The following SPAG9 variants were observed in gnomAD, a reference collection of about 807,000 sequenced individuals.
The protein encoded by SPAG9 is sperm associated antigen 9.
In SPAG9, 35 loss-of-function variants were observed where a neutral mutation model predicts 166.5. The ratio of observed to expected loss-of-function variants is 0.21; its 90% CI spans 0.16 to 0.28. SPAG9 has a LOEUF of 0.28. Ranked by LOEUF, SPAG9 falls within the 10% of genes least tolerant of loss-of-function variation. The probability of loss-of-function intolerance (pLI) is 1.00; values close to 1 mark genes in which losing one functional copy is unlikely to be tolerated. For synonymous variants in SPAG9, 534 were observed against 565.5 expected (o/e 0.94, Z 0.79); for missense variants, 1,235 against 1,603.3 (o/e 0.77, Z 3.92).
Position 50,966,278 on chromosome 17 carries a change from A to G in SPAG9, c.3960T>C (p.Asn1320=), listed in dbSNP as rs1440278411. Residue 1320 remains asparagine (N), a synonymous_variant, in exon 30 of 30, where the codon AAT becomes AAC. Transcript: ENST00000262013. The stretch of plus-strand genomic sequence containing the variant: ...CCACCTGTTTCCCATGGGCTCACTC[A>G]TTGCCATACATCACTTGCCACACTA... ...HLIVWQVMYG[N]E 3 of 1,604,542 alleles carry G rather than the reference A, an allele frequency of 1.9e-6. No individual in the cohort carries two copies. Among genetic ancestry groups the G allele is most frequent in the Non-Finnish European group, 1.7e-6 (2 of 1,171,392 alleles).
At chr17:50,998,727 G>A in intron 14 of SPAG9, 110 bp from the exon 15 acceptor site, 1 of 1,081,068 alleles carries the variant, frequency 9.3e-7, no homozygotes. Flanking sequence ...ACAAGGCAAT[G>A]AGTTAGAAAT....
Position 50,965,821 on chromosome 17 carries a change from T to G in SPAG9, c.*451A>C, listed in dbSNP as rs1369889633. The G allele has an allele frequency of 6.4e-6, 1 of 157,454 alleles. No individual in the cohort carries two copies. Among genetic ancestry groups the G allele is most frequent in the African/African-American group, 2.4e-5 (1 of 41,544 alleles). 9.8% of individuals were successfully genotyped at this position (157,454 alleles called of 1,614,324 possible). ...TTAGATACATCCTGATAATCCATCT[T>G]GTATTAGTGTGTGTCAATTTTACAA... On this transcript the variant is annotated 3_prime_UTR_variant, in exon 30 of 30. Transcript: ENST00000262013.
At chr17:51,093,957 T>C (rs930972898) in intron 1 of SPAG9, among the ~76,000 whole-genome samples, 5 of 152,118 alleles carry the variant, frequency 3.3e-5, no homozygotes, top group Admixed American at 3.3e-4. Flanking sequence ...AGGAACACTC[T>C]AGGCACAGCC....
In SPAG9 at chr17:50,993,923, CCTT is replaced by C. The variant is rs1567973995; in HGVS notation, c.2236_2238del (p.Lys746del). 1.2e-6 allele frequency: 2 copies of C among 1,613,884 alleles called. No homozygotes were observed. Among genetic ancestry groups the C allele is most frequent in the Non-Finnish European group, 1.7e-6 (2 of 1,179,890 alleles). On this transcript the variant is annotated inframe_deletion, in exon 19 of 30. Coordinates refer to ENST00000262013, the MANE Select transcript of SPAG9 (RefSeq NM_001130528.3). Reference sequence around the variant, plus strand: ...GATAATTCTTCTTGATTTTTTAACTCCTTCTGCTGTTCCTGTATAGGCAAAGGA... The same window carrying C: ...GATAATTCTTCTTGATTTTTTAACTCCTGCTGTTCCTGTATAGGCAAAGGA...
chr17:51,022,451 T>C (rs1057001107), intron 6 of SPAG9, among the ~76,000 whole-genome samples: 3 of 152,050 alleles, frequency 2.0e-5, no homozygotes, highest in African/African-American at 4.8e-5. Flanking sequence ...ATGCAAAAAT[T>C]TGTGTACAAT....
At chr17:51,040,639 T>C (rs2046801667) in intron 5 of SPAG9, among the ~76,000 whole-genome samples, 1 of 152,218 alleles carries the variant, frequency 6.6e-6, no homozygotes, top group African/African-American at 2.4e-5. Context: ...TCATAGAATT[T>C]ATGTTCTTAG....
At chr17:51,081,033 C>T (rs1221152549) in intron 1 of SPAG9, among the ~76,000 whole-genome samples, 2 of 151,912 alleles carry the variant, frequency 1.3e-5, no homozygotes, top group Non-Finnish European at 2.9e-5. Flanking sequence ...TTTGACTCTT[C>T]TGTTTCTCTA....
intron 14 of SPAG9, 166 bp downstream of exon 14, chr17:50,999,494 AT>A: frequency 6.7e-7 from 1 of 1,496,792 alleles, no homozygotes; most frequent in Non-Finnish European, 8.9e-7. Context: ...CACACTATAT[AT>A]TAAAAAAAAA....
intron 6 of SPAG9, among the ~76,000 whole-genome samples, chr17:51,026,024 G>A (rs539221775): frequency 9.2e-5 from 14 of 152,270 alleles, no homozygotes; most frequent in African/African-American, 3.4e-4. Context: ...TCATCTATAT[G>A]AGAAAGTGAT....
chr17:51,120,423 C>G lies in SPAG9; in HGVS notation c.234G>C (p.Leu78=). Residue 78 remains leucine, a synonymous_variant, in exon 1 of 30, where the codon CTG becomes CTC. Transcript: ENST00000262013. The surrounding 1 kb of genome is among the most constrained non-coding windows in gnomAD (Gnocchi z 4.7). ...DQEHQVELEL[L]RDDNEQLITQ... is the part of the protein sequence containing the mutation. ...TGATGAGCTGCTCGTTGTCGTCCCG[C>G]AGCAGCTCCAGCTCCACCTGGTGCT... 6.2e-7 allele frequency: 1 copy of G among 1,612,980 alleles called. No homozygotes were observed.
At position 50,979,824 on chromosome 17, in the gene SPAG9, T is replaced by C. The variant is rs1974462819; in HGVS notation, c.3331A>G (p.Thr1111Ala). Reference protein sequence around the residue: ...GVWVSIRLDSTLRLYHAHTYQ... With the variant: ...GVWVSIRLDSALRLYHAHTYQ... ...GTGTGTGCATGATAGAGACGGAGCG[T>C]AGAATCCAAGCGAATGGAGACCCAC... The change falls in exon 26 of 30, where the codon ACG (threonine) becomes GCG (alanine). Residue 1111 changes from threonine (T) to alanine (A), a missense_variant. This residue lies in a region of SPAG9 where 243 missense variants were observed against 358.6 expected (regional missense o/e 0.68). Coordinates refer to ENST00000262013, the MANE Select transcript of SPAG9 (RefSeq NM_001130528.3). The C allele has an allele frequency of 6.2e-7, 1 of 1,614,164 alleles. No homozygotes were observed. The highest frequency in any genetic ancestry group is 8.5e-7 in the Non-Finnish European group (1 of 1,180,028).
In SPAG9 at chr17:51,037,675, ATATATATATAGTGT is replaced by A. The variant is rs1271863312; in HGVS notation, c.741+3812_741+3825del. On this transcript the variant is annotated intron_variant, in intron 5 of 29. Transcript: ENST00000262013. ...GTAAATATATGTGTTTTATATATAT[ATATATATATAGTGT>A]GTGTGTGTGTGTGTGTGTGTGTGTG... Among the ~76,000 whole-genome samples, 174 of 98,574 alleles carry A rather than the reference ATATATATATAGTGT, an allele frequency of 1.8e-3. 3 individuals carry two copies. Among genetic ancestry groups the A allele is most frequent in the Non-Finnish European group, 3.5e-3 (144 of 41,330 alleles). 64.7% of individuals were successfully genotyped at this position (98,574 alleles called of 152,430 possible). A position where few individuals can be genotyped will look rare whatever the true frequency, so the allele number is the denominator to read the frequency against.
chr17:50,990,083 G>A (rs568400184), intron 20 of SPAG9: 68 of 579,336 alleles, frequency 1.2e-4, no homozygotes, highest in Admixed American at 1.1e-3. Context: ...GCTGGAGTGC[G>A]GCGGCGTGAT....
intron 1 of SPAG9, among the ~76,000 whole-genome samples, chr17:51,095,807 G>T (rs1029758754): frequency 5.7e-5 from 8 of 139,938 alleles, no homozygotes; most frequent in Admixed American, 2.3e-4. Flanking sequence ...GTGATATATA[G>T]TGAGATATAT....
rs184316804 is a variant in SPAG9, at chr17:51,045,432, A to G, written c.590+1943T>C. On this transcript the variant is annotated intron_variant, in intron 4 of 29. Transcript: ENST00000262013. The stretch of plus-strand genomic sequence containing the variant: ...TTTTTATAAATCAGGAAAGAAAATA[A>G]AAGACCAAGTATCTAGTTTTAAGTC... Among the ~76,000 whole-genome samples, 619 of 152,316 alleles carry G rather than the reference A, an allele frequency of 4.1e-3. 8 individuals are homozygous for G. Among genetic ancestry groups the G allele is most frequent in the Admixed American group, 0.038 (579 of 15,294 alleles).
At chr17:51,054,005 A>C (rs2047284163) in intron 3 of SPAG9, among the ~76,000 whole-genome samples, 1 of 148,540 alleles carries the variant, frequency 6.7e-6, no homozygotes, top group South Asian at 2.1e-4. Context: ...GAAAATCAGT[A>C]ACAGGCCTTT....
chr17:50,983,526 T>C (rs1974808580), intron 24 of SPAG9, among the ~76,000 whole-genome samples: 1 of 152,188 alleles, frequency 6.6e-6, no homozygotes, highest in African/African-American at 2.4e-5. Flanking sequence ...ATTAAACTCA[T>C]ATTGAGTTTA....
At chr17:51,091,920 C>T (rs1281152704) in intron 1 of SPAG9, among the ~76,000 whole-genome samples, 1 of 149,086 alleles carries the variant, frequency 6.7e-6, no homozygotes, top group African/African-American at 2.5e-5. Context: ...CTTATAGGGA[C>T]TGTTTCGCCC....
intron 1 of SPAG9, among the ~76,000 whole-genome samples, chr17:51,104,680 T>A (rs1299159933): frequency 6.6e-6 from 1 of 151,828 alleles, no homozygotes; most frequent in Non-Finnish European, 1.5e-5. Flanking sequence ...ACGCCTGTAA[T>A]CCCAGCACTT....
Sources: gnomAD v4.1 joint callset for allele counts (sites outside exome capture counted in the v4.1 genomes callset) on GRCh38, gnomAD v4.1.1 for gene constraint, gnomAD v4.1.1 regional missense constraint, Gnocchi (gnomAD v3.1) non-coding constraint, MANE v1.5 for transcripts, NCBI Gene and HGNC (gene_info 2026-07-23, HGNC 2026-07-21) for gene names.